Variants in LUZP1 observed in about 807,000 individuals in gnomAD.
LUZP1 encodes leucine zipper protein 1, also known as filamin mechanobinding actin cross-linking protein.
LUZP1 carries 25 observed loss-of-function variants against 71.3 expected under a neutral mutation model. That is an observed-to-expected ratio of 0.35 (90% CI 0.26 to 0.49). The LOEUF (loss-of-function observed/expected upper bound fraction) is 0.49. LUZP1 is among the 20% of genes least tolerant of loss of function. The pLI, the probability that LUZP1 is intolerant of heterozygous loss-of-function variation, is 0.99. For synonymous variants in LUZP1, 481 were observed against 506.4 expected (o/e 0.95, Z 0.67); for missense variants, 1,142 against 1,300.8 (o/e 0.88, Z 1.88).
At chr1:23,116,271 C>G (rs1004092432) in intron 2 of LUZP1, among the ~76,000 whole-genome samples, 3 of 152,082 alleles carry the variant, frequency 2.0e-5, no homozygotes, top group Non-Finnish European at 4.4e-5. Flanking sequence ...GTCCCAGCTA[C>G]TCGGGTGGCT....
chr1:23,143,577 A>T (rs1382802654), intron 2 of LUZP1, among the ~76,000 whole-genome samples: 3 of 152,112 alleles, frequency 2.0e-5, no homozygotes, highest in East Asian at 3.8e-4. Flanking sequence ...TACCATAAAC[A>T]TCCCTCTAGG....
At chr1:23,161,492 G>C (rs958648759) in intron 2 of LUZP1, among the ~76,000 whole-genome samples, 1 of 152,158 alleles carries the variant, frequency 6.6e-6, no homozygotes, top group African/African-American at 2.4e-5. Context: ...AAGGCCAGTG[G>C]CTCATGCCTG....
intron 2 of LUZP1, among the ~76,000 whole-genome samples, chr1:23,122,887 A>C (rs1644141285): frequency 6.6e-6 from 1 of 152,216 alleles, no homozygotes; most frequent in African/African-American, 2.4e-5. Context: ...TTTCTTTTCT[A>C]ATAAGCAATC....
chr1:23,170,839 G>A (rs1303165083), intron 1 of LUZP1, among the ~76,000 whole-genome samples: 1 of 151,872 alleles, frequency 6.6e-6, no homozygotes, highest in Non-Finnish European at 1.5e-5. Context: ...CCACCACTTT[G>A]GGAGGATCAC....
chr1:23,135,515 G>A (rs905283820), intron 2 of LUZP1, among the ~76,000 whole-genome samples: 2 of 152,136 alleles, frequency 1.3e-5, no homozygotes, highest in African/African-American at 4.8e-5. Flanking sequence ...TGAAGATTCA[G>A]AAAAACCACA....
At chr1:23,139,657 A>C (rs1408988867) in intron 2 of LUZP1, among the ~76,000 whole-genome samples, 2 of 152,212 alleles carry the variant, frequency 1.3e-5, no homozygotes, top group Non-Finnish European at 2.9e-5. Context: ...ACAACACAGA[A>C]AATATGTGGG....
At chr1:23,132,275 A>G (rs1198673002) in intron 2 of LUZP1, among the ~76,000 whole-genome samples, 4 of 152,208 alleles carry the variant, frequency 2.6e-5, no homozygotes, top group Non-Finnish European at 5.9e-5. Context: ...ATACTCATCA[A>G]TGATATTCTG....
At chr1:23,141,078 G>A (rs1644299050) in intron 2 of LUZP1, 1 of 152,338 alleles carries the variant, frequency 6.6e-6, no homozygotes, top group South Asian at 2.1e-4. Context: ...TGTGGGCTGG[G>A]AGACGAACAG....
intron 2 of LUZP1, among the ~76,000 whole-genome samples, chr1:23,139,066 T>TTGTATATATAATGTGTG: frequency 7.2e-6 from 1 of 139,404 alleles, no homozygotes; most frequent in East Asian, 2.0e-4. Flanking sequence ...TATGTATATT[T>TTGTATATATAATGTGTG]TGTATATATA....
At chr1:23,169,642 C>A (rs1328546932) in intron 1 of LUZP1, among the ~76,000 whole-genome samples, 1 of 152,172 alleles carries the variant, frequency 6.6e-6, no homozygotes, top group Non-Finnish European at 1.5e-5. Context: ...TCAAAATCCC[C>A]TCCCATACTT....
exon 4 of LUZP1, chr1:23,091,475 G>T: frequency 6.2e-7 from 1 of 1,614,184 alleles, no homozygotes; most frequent in Non-Finnish European, 8.5e-7. Context: ...AAGATTTCAA[G>T]TCTCGCCTAC....
At position 23,093,009 on chromosome 1, in the gene LUZP1, T is replaced by C; in HGVS notation, c.1253A>G (p.Asn418Ser). ...GAAACTGGGAGAAGAAACCTGCCTG[T>C]TGCTCAGAGAATAGTTTTCATTGTT... Residue 418 changes from asparagine to serine, a missense_variant, in exon 4 of 5, where the codon AAC (asparagine) becomes AGC (serine). Physicochemically the swap from Asn to Ser is conservative, Grantham distance 46 (BLOSUM62 1). Coordinates refer to ENST00000302291, the Ensembl canonical transcript of LUZP1. This position sits in a 1 kb window ranked among gnomAD's most constrained non-coding sequence, Gnocchi z 4.2. The C allele has an allele frequency of 6.2e-7, 1 of 1,614,170 alleles. No individual in the cohort carries two copies. The highest frequency in any genetic ancestry group is 2.2e-5 in the East Asian group (1 of 44,882).
intron 2 of LUZP1, among the ~76,000 whole-genome samples, chr1:23,114,154 A>G (rs1262597038): frequency 6.6e-6 from 1 of 152,224 alleles, no homozygotes; most frequent in Admixed American, 6.5e-5. Flanking sequence ...ACCCTTTACT[A>G]AAGTATACAC....
At chr1:23,160,243 A>C (rs1337614472) in intron 2 of LUZP1, among the ~76,000 whole-genome samples, 1 of 152,240 alleles carries the variant, frequency 6.6e-6, no homozygotes, top group Non-Finnish European at 1.5e-5. Flanking sequence ...AACTACTGAG[A>C]GAGCTTACCC....
chr1:23,169,810 A>C (rs978739790), intron 1 of LUZP1, among the ~76,000 whole-genome samples: 4 of 152,180 alleles, frequency 2.6e-5, no homozygotes, highest in Non-Finnish European at 5.9e-5. Flanking sequence ...ACACGCTGGC[A>C]CGCAGCAGCA....
intron 2 of LUZP1, among the ~76,000 whole-genome samples, chr1:23,119,435 T>C (rs922820632): frequency 6.6e-6 from 1 of 152,058 alleles, no homozygotes; most frequent in Non-Finnish European, 1.5e-5. Flanking sequence ...ACTCAGATCT[T>C]AGTTTTAGCT....
exon 4 of LUZP1, chr1:23,091,783 C>T: frequency 6.2e-7 from 1 of 1,614,082 alleles, no homozygotes; most frequent in Non-Finnish European, 8.5e-7. Context: ...TCTGCCAGCC[C>T]CACCTGGATA....
intron 2 of LUZP1, among the ~76,000 whole-genome samples, chr1:23,113,289 TC>T (rs1557650130): frequency 1.3e-5 from 2 of 152,022 alleles, no homozygotes; most frequent in Non-Finnish European, 2.9e-5. Flanking sequence ...ATGCCTGTGG[TC>T]CCAGCTACCT....
chr1:23,171,030 C>G (rs931098515), intron 1 of LUZP1, among the ~76,000 whole-genome samples: 1 of 149,622 alleles, frequency 6.7e-6, no homozygotes, highest in Non-Finnish European at 1.5e-5. Flanking sequence ...GTGGAGGCTG[C>G]AATAAGCCAT....
Sources: gnomAD v4.1 joint callset for allele counts (sites outside exome capture counted in the v4.1 genomes callset) on GRCh38, gnomAD v4.1.1 for gene constraint, Gnocchi (gnomAD v3.1) non-coding constraint, MANE v1.5 for transcripts, NCBI Gene and HGNC (gene_info 2026-07-23, HGNC 2026-07-21) for gene names.